The following NEXMIF variants were observed in gnomAD, a reference collection of about 807,000 sequenced individuals.
NEXMIF encodes the protein XLMR protein related to neurite extension.
Under a neutral mutation model 62.1 loss-of-function variants are expected in NEXMIF, and 8 were observed. The observed-to-expected ratio is 0.13, with a 90% CI of 0.08 to 0.23. The LOEUF is 0.23. Ranked by LOEUF, NEXMIF falls within the 10% of genes least tolerant of loss-of-function variation. The probability of loss-of-function intolerance (pLI) is 1.00; values close to 1 mark genes in which losing one functional copy is unlikely to be tolerated. For synonymous variants in NEXMIF, 404 were observed against 416.6 expected, an observed-to-expected ratio of 0.97 and a Z score of 0.37; for missense variants, 976 against 1,113.3, an observed-to-expected ratio of 0.88 and a Z score of 1.75.
At chrX:74,766,147 A>G (rs1459635242) in intron 1 of NEXMIF, among the ~76,000 whole-genome samples, 1 of 108,975 alleles carries the variant, frequency 9.2e-6, no homozygotes, top group African/African-American at 3.3e-5. Flanking sequence ...CCTGCCCTTT[A>G]TCTCTAGCTA....
chrX:74,884,990 A>T (rs1183641935), intron 1 of NEXMIF, among the ~76,000 whole-genome samples: 2 of 110,681 alleles, frequency 1.8e-5, no homozygotes, highest in African/African-American at 3.3e-5. Flanking sequence ...GGATTAAGAA[A>T]CTCACTCAAA....
rs919194003 is a variant in NEXMIF, at chrX:74,738,736, C to G, written c.*669G>C. ...GACTTTTCCAAAATTTTAACCCTTA[C>G]ACAATGGAACAAGAAAATCTTTATT... On this transcript the variant is annotated 3_prime_UTR_variant, in exon 4 of 4. Coordinates refer to ENST00000055682, the MANE Select transcript of NEXMIF (RefSeq NM_001008537.3). 2 of 109,991 alleles carry G rather than the reference C, an allele frequency of 1.8e-5. No individual in the cohort carries two copies. Among genetic ancestry groups the G allele is most frequent in the Non-Finnish European group, 3.8e-5 (2 of 52,629 alleles). The allele number at this position is 109,991 out of a possible 1,213,427, so 9.1% of individuals were successfully genotyped here. A position where few individuals can be genotyped will look rare whatever the true frequency, so the allele number is the denominator to read the frequency against.
At chrX:74,847,309 A>C (rs1381672530) in intron 1 of NEXMIF, among the ~76,000 whole-genome samples, 1 of 112,201 alleles carries the variant, frequency 8.9e-6, no homozygotes, top group Non-Finnish European at 1.9e-5. Flanking sequence ...CACGAGTCAT[A>C]GAAGTGGATT....
intron 1 of NEXMIF, among the ~76,000 whole-genome samples, chrX:74,766,041 C>CA (rs35891512): frequency 0.011 from 830 of 78,807 alleles, 20 homozygotes; most frequent in African/African-American, 0.039. Context: ...ACTCTGTCTC[C>CA]AAAAAAAAAA....
At chrX:74,833,799 T>C (rs1235110941) in intron 1 of NEXMIF, among the ~76,000 whole-genome samples, 1 of 111,296 alleles carries the variant, frequency 9.0e-6, no homozygotes, top group Non-Finnish European at 1.9e-5. Flanking sequence ...TAACTCATTG[T>C]TTTCAACTGA....
intron 1 of NEXMIF, among the ~76,000 whole-genome samples, chrX:74,900,887 C>T (rs1281147892): frequency 8.9e-6 from 1 of 112,193 alleles, no homozygotes; most frequent in Non-Finnish European, 1.9e-5. Flanking sequence ...TGGTGATGAA[C>T]ATAAGCCAGT....
rs1238438212 is a variant in NEXMIF, at chrX:74,741,909, C to T, written c.2648G>A (p.Ser883Asn). ...QSSHNFKMES[S>N]NYRNVWPNKA... is the part of the protein sequence containing the mutation. ...GTTGGGCCACACATTTCTATAGTTG[C>T]TTGATTCCATTTTGAAGTTATGAGA... The change falls in exon 3 of 4, where the codon AGC becomes AAC. Residue 883 changes from serine (S) to asparagine (N), a missense_variant. Physicochemically the swap from Ser to Asn is conservative, Grantham distance 46. Around this residue, in one of 5 missense-constraint regions of NEXMIF, gnomAD observed 639 missense variants for 694.5 expected, o/e 0.92. Coordinates refer to ENST00000055682, the MANE Select transcript of NEXMIF (RefSeq NM_001008537.3). The T allele has an allele frequency of 8.3e-7, 1 of 1,211,759 alleles. No individual in the cohort carries two copies. The highest frequency in any genetic ancestry group is 1.8e-5 in the South Asian group (1 of 56,982).
chrX:74,738,965 A>C lies in NEXMIF; in HGVS notation c.*440T>G, dbSNP rs1450554794. On this transcript the variant is annotated 3_prime_UTR_variant, in exon 4 of 4. Transcript: ENST00000055682. ...AAACTGTGGGTGAATCTGTGAGATG[A>C]GGTAAGAAAATTTGGCACATTTCAA... The C allele has an allele frequency of 8.7e-6, 1 of 115,154 alleles. No individual in the cohort carries two copies. Among genetic ancestry groups the C allele is most frequent in the Non-Finnish European group, 1.8e-5 (1 of 54,749 alleles). The allele number at this position is 115,154 out of a possible 1,213,427, so 9.5% of individuals were successfully genotyped here. A position where few individuals can be genotyped will look rare whatever the true frequency, so the allele number is the denominator to read the frequency against.
intron 1 of NEXMIF, among the ~76,000 whole-genome samples, chrX:74,909,526 A>G (rs749433477): frequency 8.9e-6 from 1 of 112,172 alleles, no homozygotes; most frequent in Admixed American, 9.4e-5. Context: ...GAAACAGAGC[A>G]TAAACGTTCA....
At chrX:74,794,116 T>G (rs1378083333) in intron 1 of NEXMIF, among the ~76,000 whole-genome samples, 1 of 105,921 alleles carries the variant, frequency 9.4e-6, no homozygotes, top group Non-Finnish European at 1.9e-5. Context: ...TTTATCTACT[T>G]TTGGTCTTTG....
At chrX:74,854,890 A>G (rs894433081) in intron 1 of NEXMIF, among the ~76,000 whole-genome samples, 1 of 112,266 alleles carries the variant, frequency 8.9e-6, no homozygotes, top group African/African-American at 3.2e-5. Flanking sequence ...AAAGAAAACT[A>G]CAAAACACTG....
chrX:74,781,511 A>G (rs2080246857), intron 1 of NEXMIF, among the ~76,000 whole-genome samples: 1 of 112,556 alleles, frequency 8.9e-6, no homozygotes, highest in Admixed American at 9.4e-5. Flanking sequence ...TGTATGTGAA[A>G]GCCTTAGGTG....
intron 1 of NEXMIF, among the ~76,000 whole-genome samples, chrX:74,828,263 CAG>C (rs2080424798): frequency 9.0e-6 from 1 of 111,548 alleles, no homozygotes; most frequent in African/African-American, 3.3e-5. Context: ...GAAAAGAAAA[CAG>C]GGCTTAAACT....
At chrX:74,921,459 G>T (rs2080826852) in intron 1 of NEXMIF, among the ~76,000 whole-genome samples, 1 of 112,344 alleles carries the variant, frequency 8.9e-6, no homozygotes, top group Non-Finnish European at 1.9e-5. Flanking sequence ...CTGGGCAAGA[G>T]AAAAGGTGTG....
intron 1 of NEXMIF, among the ~76,000 whole-genome samples, chrX:74,843,701 A>C (rs1185429727): frequency 8.9e-6 from 1 of 112,250 alleles, no homozygotes; most frequent in Non-Finnish European, 1.9e-5. Context: ...GGCGTGAGCC[A>C]CCGTGCCCAG....
At chrX:74,893,903 T>C (rs1321334723) in intron 1 of NEXMIF, among the ~76,000 whole-genome samples, 1 of 111,645 alleles carries the variant, frequency 9.0e-6, no homozygotes, top group African/African-American at 3.3e-5. Context: ...AATAATCCTT[T>C]TGTGGGTGAG....
chrX:74,921,849 T>C (rs2080828142), intron 1 of NEXMIF, among the ~76,000 whole-genome samples: 1 of 112,224 alleles, frequency 8.9e-6, no homozygotes, highest in Non-Finnish European at 1.9e-5. Context: ...TTTCTCCTTT[T>C]GCTTACTCCT....
intron 1 of NEXMIF, among the ~76,000 whole-genome samples, chrX:74,915,790 C>A (rs1395918231): frequency 9.0e-6 from 1 of 110,812 alleles, no homozygotes; most frequent in East Asian, 2.9e-4. Context: ...GGACCATGAG[C>A]TAAAAAATTC....
chrX:74,878,027 G>A, intron 1 of NEXMIF, among the ~76,000 whole-genome samples: 1 of 112,098 alleles, frequency 8.9e-6, no homozygotes, highest in South Asian at 3.7e-4. Flanking sequence ...TTCCATTGCT[G>A]GTGAGGAACT....
Sources: gnomAD v4.1 joint callset for allele counts (sites outside exome capture counted in the v4.1 genomes callset) on GRCh38, gnomAD v4.1.1 for gene constraint, gnomAD v4.1.1 regional missense constraint, MANE v1.5 for transcripts, NCBI Gene and HGNC (gene_info 2026-07-23, HGNC 2026-07-21) for gene names.